The following WDR19 variants were observed in gnomAD, a reference collection of about 807,000 sequenced individuals.
WDR19 encodes WD repeat-containing protein 19.
A neutral mutation model predicts 180.0 loss-of-function variants in WDR19; 121 were observed. That is an observed-to-expected ratio of 0.67 (90% CI 0.58 to 0.78). WDR19 has a LOEUF of 0.78. WDR19 is among the 30% of genes least tolerant of loss of function. The pLI is 0.00. For synonymous variants in WDR19, 497 were observed against 540.7 expected, an observed-to-expected ratio of 0.92 and a Z score of 1.12; for missense variants, 1,450 against 1,640.7, an observed-to-expected ratio of 0.88 and a Z score of 2.01.
intron 24 of WDR19, among the ~76,000 whole-genome samples, chr4:39,251,737 G>T (rs1733212943): frequency 6.6e-6 from 1 of 152,102 alleles, no homozygotes; most frequent in African/African-American, 2.4e-5. Flanking sequence ...CATTTATGCA[G>T]CCAAAAAACA....
At chr4:39,205,757 T>C in intron 9 of WDR19, 21 bp downstream of exon 9, 1 of 1,565,580 alleles carries the variant, frequency 6.4e-7, no homozygotes, top group Admixed American at 1.9e-5. Flanking sequence ...TTCACATATT[T>C]TTAGGAAAGC....
chr4:39,208,171 GGAAA>G (rs1728142149), intron 9 of WDR19, among the ~76,000 whole-genome samples: 1 of 151,568 alleles, frequency 6.6e-6, no homozygotes, highest in South Asian at 2.1e-4. Flanking sequence ...TCTAAACAAA[GGAAA>G]GAAACAGGAA....
At chr4:39,256,000 A>T (rs748389420) in intron 27 of WDR19, 40 bp downstream of exon 27, 11 of 1,376,484 alleles carry the variant, frequency 8.0e-6, no homozygotes, top group Non-Finnish European at 1.1e-5. Flanking sequence ...ACTCCGCAGG[A>T]ATAATTGTAG....
intron 28 of WDR19, among the ~76,000 whole-genome samples, chr4:39,261,426 G>A (rs180720137): frequency 6.2e-4 from 94 of 152,200 alleles, no homozygotes; most frequent in African/African-American, 2.2e-3. Flanking sequence ...ACTTAGATTG[G>A]GGTGTCCAAT....
chr4:39,210,194 C>T (rs1014098821), intron 9 of WDR19, among the ~76,000 whole-genome samples: 12 of 152,028 alleles, frequency 7.9e-5, no homozygotes, highest in Admixed American at 1.3e-4. Flanking sequence ...TACCTTTATA[C>T]CAAGACCAAA....
intron 17 of WDR19, among the ~76,000 whole-genome samples, chr4:39,229,602 C>T (rs567257099): frequency 2.0e-5 from 3 of 151,976 alleles, no homozygotes; most frequent in African/African-American, 7.3e-5. Flanking sequence ...ATTCCTTTGA[C>T]GTTCTAATTC....
chr4:39,199,387 C>A, intron 5 of WDR19, 91 bp from the exon 6 acceptor site: 1 of 904,292 alleles, frequency 1.1e-6, no homozygotes, highest in Non-Finnish European at 1.7e-6. Flanking sequence ...AAATTCTTGT[C>A]TGTTTAATTT....
chr4:39,228,183 G>A (rs967233526), intron 15 of WDR19, 27 bp from the exon 16 acceptor site: 5 of 1,608,830 alleles, frequency 3.1e-6, no homozygotes, highest in Non-Finnish European at 4.2e-6. Flanking sequence ...ACAGACTTGG[G>A]GCAAATCTGT....
chr4:39,205,661 G>A lies in WDR19; in HGVS notation c.815G>A (p.Arg272His), dbSNP rs552334665. The change falls in exon 9 of 37, where the codon CGT (arginine) becomes CAT (histidine). Residue 272 changes from arginine to histidine, a missense_variant. Arg to His is a conservative substitution (Grantham distance 29). Transcript: ENST00000399820. ...GELGQEIFQARNHKDNLTSIA... is the reference protein window; with the variant it reads ...GELGQEIFQAHNHKDNLTSIA... ...CTTGGTCAAGAGATATTTCAGGCTCGTAACCATAAAGATAATCTAACCAGC... is the reference window on the plus strand; with the variant it reads ...CTTGGTCAAGAGATATTTCAGGCTCATAACCATAAAGATAATCTAACCAGC... 2.4e-5 allele frequency: 38 copies of A among 1,612,040 alleles called. No homozygotes were observed. Among genetic ancestry groups the A allele is most frequent in the South Asian group, 8.8e-5 (8 of 90,664 alleles).
chr4:39,205,651 T>G lies in WDR19; in HGVS notation c.805T>G (p.Phe269Val). The G allele has an allele frequency of 6.2e-7, 1 of 1,612,668 alleles. No individual in the cohort carries two copies. The highest frequency in any genetic ancestry group is 8.5e-7 in the Non-Finnish European group (1 of 1,179,286). The change falls in exon 9 of 37, where the codon TTT becomes GTT. Residue 269 changes from phenylalanine (F) to valine (V), a missense_variant. By Grantham distance (50) the Phe-to-Val change is conservative. Coordinates refer to ENST00000399820, the MANE Select transcript of WDR19 (RefSeq NM_025132.4). ...TACTGGAGAGCTTGGTCAAGAGATA[T>G]TTCAGGCTCGTAACCATAAAGATAA... Reference protein sequence around the residue: ...THTGELGQEIFQARNHKDNLT... With the variant: ...THTGELGQEIVQARNHKDNLT...
rs961338757 is a variant in WDR19, at chr4:39,183,317, T to C, written c.6+754T>C. The stretch of plus-strand genomic sequence containing the variant: ...CAGGCTGGAGTGCAGTGGCGCAATC[T>C]CTGCTCCCTGCAACCTCCACCTCCT... On this transcript the variant is annotated intron_variant, in intron 1 of 36. Transcript: ENST00000399820. Among the ~76,000 whole-genome samples the C allele has an allele frequency of 4.5e-5, 6 of 133,974 alleles. No homozygotes were observed. The Admixed American group carries it at 5.4e-4, about 12-fold the overall frequency. The allele number at this position is 133,974 out of a possible 152,430, so 87.9% of individuals were successfully genotyped here. A position where few individuals can be genotyped will look rare whatever the true frequency, so the allele number is the denominator to read the frequency against.
chr4:39,257,522 G>C lies in WDR19; in HGVS notation c.3151G>C (p.Asp1051His). 1.9e-6 allele frequency: 3 copies of C among 1,590,650 alleles called. No homozygotes were observed. Among genetic ancestry groups the C allele is most frequent in the Non-Finnish European group, 2.6e-6 (3 of 1,167,574 alleles). Residue 1051 changes from aspartate (D) to histidine (H), a missense_variant, in exon 28 of 37, where the codon GAT becomes CAT. Physicochemically the swap from Asp to His is moderately conservative, Grantham distance 81. Coordinates refer to ENST00000399820, the MANE Select transcript of WDR19 (RefSeq NM_025132.4). ...CTTCCTGAAATGCCCAAGCTCGGAA[G>C]ATAATGTGGCAATAGAAATGGCAAT... ...KHFLKCPSSE[D>H]NVAIEMAIET...
intron 7 of WDR19, among the ~76,000 whole-genome samples, chr4:39,203,928 T>A (rs1727630531): frequency 6.6e-6 from 1 of 152,228 alleles, no homozygotes; most frequent in Non-Finnish European, 1.5e-5. Context: ...TGAGGACAGC[T>A]TTCTGTTACA....
In WDR19 at chr4:39,194,586, C is replaced by T. The variant is rs755327576; in HGVS notation, c.333C>T (p.Phe111=). The change falls in exon 5 of 37, where the codon TTC becomes TTT. Residue 111 remains phenylalanine (F), a synonymous_variant. Coordinates refer to ENST00000399820, the MANE Select transcript of WDR19 (RefSeq NM_025132.4). ...SFLLWSKVGS[F]LAVGTVKGNL... ...TTCTTTGGTCAAAAGTTGGAAGTTTCCTGGCTGTTGGAACTGTTAAAGGAA... is the reference window on the plus strand; with the variant it reads ...TTCTTTGGTCAAAAGTTGGAAGTTTTCTGGCTGTTGGAACTGTTAAAGGAA... The T allele has an allele frequency of 2.5e-6, 4 of 1,613,222 alleles. No individual in the cohort carries two copies. The highest frequency in any genetic ancestry group is 3.4e-6 in the Non-Finnish European group (4 of 1,179,496).
intron 3 of WDR19, 109 bp downstream of exon 3, chr4:39,186,713 T>A: frequency 1.4e-6 from 1 of 721,510 alleles, no homozygotes; most frequent in Non-Finnish European, 2.2e-6. Context: ...CTTCTTCCAT[T>A]TGCAAAGGGA....
chr4:39,253,987 G>A lies in WDR19; in HGVS notation c.2958G>A (p.Leu986=). 1 of 1,612,264 alleles carries A rather than the reference G, an allele frequency of 6.2e-7. No homozygotes were observed. The highest frequency in any genetic ancestry group is 8.5e-7 in the Non-Finnish European group (1 of 1,178,812). Residue 986 remains leucine (L), a synonymous_variant, in exon 26 of 37, where the codon CTG becomes CTA. Coordinates refer to ENST00000399820, the MANE Select transcript of WDR19 (RefSeq NM_025132.4). ...AATGCAACAATGAAGCTTTCACACT[G>A]GCTCAGCAACACAACAAAATGGAAA... The part of the protein sequence containing the change: ...MSKCNNEAFT[L]AQQHNKMEIY...
Position 39,215,965 on chromosome 4 carries a change from C to T in WDR19, c.1086C>T (p.Ala362=), listed in dbSNP as rs747988894. 4.3e-6 allele frequency: 7 copies of T among 1,612,612 alleles called. No individual in the cohort carries two copies. In the East Asian group the frequency reaches 1.3e-4, roughly 31 times the overall value. Residue 362 remains alanine, a synonymous_variant, in exon 11 of 37, where the codon GCC becomes GCT. Coordinates refer to ENST00000399820, the MANE Select transcript of WDR19 (RefSeq NM_025132.4). ...GGGATGCCTGCAGCACAAGGATTGC[C>T]TATCTCACCTCCCTCCTTGAAGTCA... is the stretch of plus-strand genomic sequence containing the variant. The part of the protein sequence containing the change: ...ILGDACSTRI[A]YLTSLLEVTV...
intron 28 of WDR19, among the ~76,000 whole-genome samples, chr4:39,259,884 G>C (rs1462878131): frequency 6.6e-6 from 1 of 152,148 alleles, no homozygotes; most frequent in Non-Finnish European, 1.5e-5. Context: ...ACAATTCCTT[G>C]ATATTGTCAG....
Position 39,228,288 on chromosome 4 carries a change from A to G in WDR19, c.1708A>G (p.Lys570Glu). ...TCTTTGGGAAAACTGGCCAATGGAT[A>G]AAGGTGTATTTATTGCTTATGATGA... ...GVLWENWPMD[K>E]GVFIAYDDDK... Residue 570 changes from lysine (K) to glutamate (E), a missense_variant, in exon 16 of 37, where the codon AAA becomes GAA. Physicochemically the swap from Lys to Glu is moderately conservative, Grantham distance 56 (BLOSUM62 1). Transcript: ENST00000399820. 3 of 1,613,570 alleles carry G rather than the reference A, an allele frequency of 1.9e-6. No individual in the cohort carries two copies. The highest frequency in any genetic ancestry group is 2.5e-6 in the Non-Finnish European group (3 of 1,179,672).
Sources: allele counts gnomAD v4.1 joint callset (sites outside exome capture counted in the v4.1 genomes callset), GRCh38; gene constraint gnomAD v4.1.1; transcripts MANE v1.5; gene names NCBI Gene and HGNC (gene_info 2026-07-23, HGNC 2026-07-21).